Variants in FGF12 observed in about 807,000 individuals in gnomAD.
The protein encoded by FGF12 is fibroblast growth factor 12.
Under a neutral mutation model 23.6 loss-of-function variants are expected in FGF12, and 14 were observed. The observed-to-expected ratio is 0.59, with a 90% confidence interval of 0.39 to 0.93. The LOEUF (loss-of-function observed/expected upper bound fraction) is 0.93. Among genes scored for constraint, FGF12 ranks in the 40% least tolerant of loss-of-function variants. The pLI is 0.00. For synonymous variants in FGF12, 62 were observed against 77.3 expected (o/e 0.80, Z 1.04); for missense variants, 175 against 217.8 (o/e 0.80, Z 1.24).
intron 4 of FGF12, among the ~76,000 whole-genome samples, chr3:192,191,511 C>A (rs11707231): frequency 0.13 from 19,373 of 151,980 alleles, 1,509 homozygotes; most frequent in South Asian, 0.25. Flanking sequence ...ACTTTTTCTC[C>A]ATTTTTCTGT....
intron 2 of FGF12, among the ~76,000 whole-genome samples, chr3:192,597,597 A>G (rs1490372314): frequency 6.6e-6 from 1 of 152,326 alleles, no homozygotes; most frequent in South Asian, 2.1e-4. Flanking sequence ...AAGGAAATAT[A>G]CATAATTATA....
chr3:192,619,560 T>G (rs530995469), intron 2 of FGF12, among the ~76,000 whole-genome samples: 1 of 152,238 alleles, frequency 6.6e-6, no homozygotes, highest in South Asian at 2.1e-4. Context: ...GAACTTTTAT[T>G]GGCAAGTTTG....
chr3:192,411,999 G>A (rs143346395), intron 2 of FGF12, among the ~76,000 whole-genome samples: 1 of 151,936 alleles, frequency 6.6e-6, no homozygotes, highest in African/African-American at 2.4e-5. Flanking sequence ...CACCTGAAAT[G>A]CTTGTTAACA....
chr3:192,588,329 G>T (rs1332281594), intron 2 of FGF12, among the ~76,000 whole-genome samples: 31 of 106,910 alleles, frequency 2.9e-4, no homozygotes, highest in Non-Finnish European at 1.4e-4. Flanking sequence ...CAGCCTGGGC[G>T]ACAGAGCAAC....
At chr3:192,235,463 A>T (rs1217317829) in intron 4 of FGF12, among the ~76,000 whole-genome samples, 1 of 152,122 alleles carries the variant, frequency 6.6e-6, no homozygotes, top group Non-Finnish European at 1.5e-5. Context: ...TTCAGGAATG[A>T]CAGGTGCATG....
chr3:192,305,861 T>TG (rs997543978), intron 4 of FGF12, among the ~76,000 whole-genome samples: 2 of 128,568 alleles, frequency 1.6e-5, no homozygotes, highest in African/African-American at 6.2e-5. Flanking sequence ...CTGGTTTTTT[T>TG]TTTTTTTTTT....
At chr3:192,231,104 T>C (rs1452581635) in intron 4 of FGF12, among the ~76,000 whole-genome samples, 1 of 152,184 alleles carries the variant, frequency 6.6e-6, no homozygotes, top group Admixed American at 6.5e-5. Context: ...TAATTTTATC[T>C]GTTAAGGGAA....
chr3:192,204,601 T>G (rs1384003607), intron 4 of FGF12, among the ~76,000 whole-genome samples: 4 of 152,148 alleles, frequency 2.6e-5, no homozygotes, highest in Non-Finnish European at 5.9e-5. Context: ...GATTTGCACT[T>G]GGAGCCAGGA....
At chr3:192,393,899 G>A (rs114620085) in intron 2 of FGF12, among the ~76,000 whole-genome samples, 3,575 of 152,224 alleles carry the variant, frequency 0.023, 53 homozygotes, top group East Asian at 0.058. Context: ...TGAAGTCCTG[G>A]TGGAAAACAT....
At chr3:192,616,134 G>A (rs1049272598) in intron 2 of FGF12, among the ~76,000 whole-genome samples, 2 of 151,758 alleles carry the variant, frequency 1.3e-5, no homozygotes, top group African/African-American at 4.8e-5. Flanking sequence ...AATTCCAATA[G>A]AGCAAATTTT....
chr3:192,500,975 G>A (rs1386889690), intron 2 of FGF12, among the ~76,000 whole-genome samples: 2 of 152,190 alleles, frequency 1.3e-5, no homozygotes, highest in African/African-American at 2.4e-5. Flanking sequence ...CTCAGCCGCT[G>A]TAGTAGACTA....
chr3:192,433,975 G>A (rs1183067780), intron 2 of FGF12, among the ~76,000 whole-genome samples: 2 of 152,164 alleles, frequency 1.3e-5, no homozygotes, highest in Admixed American at 6.5e-5. Context: ...AAACATAAAT[G>A]ATAATCCTAC....
chr3:192,431,509 TC>T (rs1721859787), intron 2 of FGF12, among the ~76,000 whole-genome samples: 1 of 152,186 alleles, frequency 6.6e-6, no homozygotes, highest in Non-Finnish European at 1.5e-5. Flanking sequence ...ACCAAGAGAC[TC>T]TTTTTATACT....
chr3:192,441,971 G>T (rs1272940756), intron 2 of FGF12, among the ~76,000 whole-genome samples: 2 of 152,172 alleles, frequency 1.3e-5, no homozygotes, highest in Non-Finnish European at 2.9e-5. Context: ...TATTGCTGCT[G>T]ACTCACTTTA....
chr3:192,546,147 T>C (rs1419444334), intron 2 of FGF12, among the ~76,000 whole-genome samples: 5 of 152,226 alleles, frequency 3.3e-5, no homozygotes, highest in African/African-American at 4.8e-5. Flanking sequence ...TTCTGTCATT[T>C]ATTAGCTGTG....
chr3:192,529,894 T>A (rs1206496245), intron 2 of FGF12, among the ~76,000 whole-genome samples: 2 of 152,180 alleles, frequency 1.3e-5, no homozygotes, highest in Non-Finnish European at 2.9e-5. Context: ...AAGATGAGAT[T>A]TGGGTGGGGT....
At chr3:192,557,484 C>T (rs1207200610) in intron 2 of FGF12, among the ~76,000 whole-genome samples, 3 of 151,814 alleles carry the variant, frequency 2.0e-5, no homozygotes, top group African/African-American at 4.8e-5. Flanking sequence ...ATTTACAAAA[C>T]ACTTAAAGAA....
intron 2 of FGF12, among the ~76,000 whole-genome samples, chr3:192,378,697 AT>A (rs1301606990): frequency 6.6e-6 from 1 of 151,926 alleles, no homozygotes; most frequent in Non-Finnish European, 1.5e-5. Flanking sequence ...AACTCCAAGA[AT>A]CAAAAGCACT....
chr3:192,455,846 A>T (rs369458211), intron 2 of FGF12, among the ~76,000 whole-genome samples: 9 of 152,346 alleles, frequency 5.9e-5, no homozygotes, highest in African/African-American at 2.2e-4. Context: ...AAATGTCAAC[A>T]GTTCCATTGG....
Sources: allele counts gnomAD v4.1 joint callset (sites outside exome capture counted in the v4.1 genomes callset), GRCh38; gene constraint gnomAD v4.1.1; transcripts MANE v1.5; gene names NCBI Gene and HGNC (gene_info 2026-07-23, HGNC 2026-07-21).